UNC13B: variants seen among roughly 807,000 people sequenced by gnomAD.
UNC13B encodes unc-13 homolog B.
Under a neutral mutation model 211.0 loss-of-function variants are expected in UNC13B, and 144 were observed. The ratio of observed to expected loss-of-function variants is 0.68; its 90% confidence interval spans 0.60 to 0.78. The LOEUF is 0.78. Among genes scored for constraint, UNC13B ranks in the 30% least tolerant of loss-of-function variants. UNC13B has a pLI of 0.00. For missense variants in UNC13B, 1,777 were observed against 2,002.0 expected (o/e 0.89, Z 2.14); for synonymous variants, 709 against 725.8 (o/e 0.98, Z 0.37).
chr9:35,236,632 G>C, intron 4 of UNC13B, 46 bp downstream of exon 4: 1 of 1,501,648 alleles, frequency 6.7e-7, no homozygotes, highest in Non-Finnish European at 9.3e-7. Context: ...CCCAGCCCAT[G>C]CTTCTCCCCA....
intron 11 of UNC13B, among the ~76,000 whole-genome samples, chr9:35,339,341 C>T (rs1338284524): frequency 1.3e-5 from 2 of 152,200 alleles, no homozygotes; most frequent in Non-Finnish European, 2.9e-5. Flanking sequence ...TCGGCCTACT[C>T]AGGCTTCCCC....
intron 1 of UNC13B, among the ~76,000 whole-genome samples, chr9:35,199,129 G>A (rs1182819521): frequency 6.6e-6 from 1 of 152,096 alleles, no homozygotes; most frequent in Non-Finnish European, 1.5e-5. Context: ...TGCTCAGAAT[G>A]GTGGTTTCCA....
chr9:35,310,253 T>C (rs1189758419), intron 9 of UNC13B, among the ~76,000 whole-genome samples: 1 of 152,208 alleles, frequency 6.6e-6, no homozygotes, highest in Non-Finnish European at 1.5e-5. Context: ...TTAAGTGTCG[T>C]TGGAGAACCC....
chr9:35,335,768 T>C (rs1233626379), intron 11 of UNC13B, among the ~76,000 whole-genome samples: 1 of 151,744 alleles, frequency 6.6e-6, no homozygotes, highest in Non-Finnish European at 1.5e-5. Context: ...CGGCTCACTG[T>C]AACCTCGAAC....
chr9:35,395,602 ATG>A (rs1222561068), intron 26 of UNC13B, among the ~76,000 whole-genome samples: 1 of 152,152 alleles, frequency 6.6e-6, no homozygotes, highest in Non-Finnish European at 1.5e-5. Context: ...CATTATGTTG[ATG>A]TGTCAGCATA....
At position 35,305,587 on chromosome 9, in the gene UNC13B, T is replaced by C. The variant is rs1162876985; in HGVS notation, c.6183T>C (p.Thr2061=). 2 of 398,762 alleles carry C rather than the reference T, an allele frequency of 5.0e-6. No individual in the cohort carries two copies. Among genetic ancestry groups the C allele is most frequent in the African/African-American group, 4.1e-5 (2 of 48,604 alleles). 24.7% of individuals were successfully genotyped at this position (398,762 alleles called of 1,614,324 possible). The change falls in exon 9 of 40, where the codon ACT becomes ACC. Residue 2061 remains threonine, a synonymous_variant. Transcript: ENST00000635942. ...ATGACAGTAGGTTAGAGGAATCAAC[T>C]AGAGGGATCCAGGGTAATGATTTGA... The part of the protein sequence containing the change: ...TIDDSRLEES[T]RGIQGNDLTE...
chr9:35,178,356 G>C (rs1821749688), intron 1 of UNC13B, among the ~76,000 whole-genome samples: 1 of 151,988 alleles, frequency 6.6e-6, no homozygotes, highest in South Asian at 2.1e-4. Flanking sequence ...CAAAAATTAG[G>C]CATGGTGGCA....
chr9:35,343,513 C>G (rs1283225867), intron 11 of UNC13B, among the ~76,000 whole-genome samples: 1 of 152,144 alleles, frequency 6.6e-6, no homozygotes, highest in Non-Finnish European at 1.5e-5. Flanking sequence ...GGGAGAAAAG[C>G]TCTCATCTTC....
intron 17 of UNC13B, among the ~76,000 whole-genome samples, chr9:35,380,197 A>G (rs1434900293): frequency 6.6e-6 from 1 of 152,144 alleles, no homozygotes; most frequent in East Asian, 1.9e-4. Context: ...GGAAGTCAGA[A>G]TTGACCTGAA....
intron 2 of UNC13B, among the ~76,000 whole-genome samples, chr9:35,230,200 G>C (rs1394203108): frequency 1.3e-5 from 2 of 152,070 alleles, no homozygotes; most frequent in Non-Finnish European, 2.9e-5. Context: ...GGCTGGGCCT[G>C]GTGGCTCATG....
intron 6 of UNC13B, among the ~76,000 whole-genome samples, chr9:35,258,406 T>A (rs1827061955): frequency 6.6e-6 from 1 of 152,192 alleles, no homozygotes; most frequent in Non-Finnish European, 1.5e-5. Flanking sequence ...GTCTTATGTC[T>A]TCAGTACCGT....
rs1196382768 is a variant in UNC13B at position 35,300,282 on chromosome 9, A to T, written c.878A>T (p.Tyr293Phe). ...YGERSETKTN[Y>F]KSTYSNTENC... Reference sequence around the variant, plus strand: ...GAGAGATCTGAAACTAAGACTAACTACAAAAGTACATATTCTAATACTGAA... The same window carrying T: ...GAGAGATCTGAAACTAAGACTAACTTCAAAAGTACATATTCTAATACTGAA... Residue 293 changes from tyrosine (Y) to phenylalanine (F), a missense_variant, in exon 9 of 40, where the codon TAC becomes TTC. Physicochemically the swap from Tyr to Phe is conservative, Grantham distance 22. Transcript: ENST00000635942. 7.5e-6 allele frequency: 3 copies of T among 398,814 alleles called. No individual in the cohort carries two copies. Among genetic ancestry groups the T allele is most frequent in the Non-Finnish European group, 1.3e-5 (3 of 226,044 alleles). The allele number at this position is 398,814 out of a possible 1,614,324, so 24.7% of individuals were successfully genotyped here. A position where few individuals can be genotyped will look rare whatever the true frequency, so the allele number is the denominator to read the frequency against.
chr9:35,177,128 T>A lies in UNC13B; in HGVS notation c.22+14823T>A, dbSNP rs988378365. On this transcript the variant is annotated intron_variant, in intron 1 of 39. Coordinates refer to ENST00000635942, the MANE Select transcript of UNC13B (RefSeq NM_001371189.2). ...AACCCCATCTCTATTTAAAAAAAAT[T>A]AAAAAAAAATTAGTCGGGCGTGGTG... is the stretch of plus-strand genomic sequence containing the variant. 4.6e-5 allele frequency among the ~76,000 whole-genome samples: 7 copies of A among 151,006 alleles called. No homozygotes were observed. The East Asian group carries it at 1.4e-3, about 29-fold the overall frequency.
In UNC13B at chr9:35,310,575, G is replaced by A. The variant is rs940729547; in HGVS notation, c.9117G>A (p.Thr3039=). 7 of 1,613,980 alleles carry A rather than the reference G, an allele frequency of 4.3e-6. No individual in the cohort carries two copies. The highest frequency in any genetic ancestry group is 2.2e-5 in the East Asian group (1 of 44,872). Reference sequence around the variant, plus strand: ...AACAAGATGACGACCATCGGGAGACGGACTCGATTCATTCTTGCCACAGCT... The same window carrying A: ...AACAAGATGACGACCATCGGGAGACAGACTCGATTCATTCTTGCCACAGCT... ...YHEQDDDHRE[T]DSIHSCHSSH... Residue 3039 remains threonine (T), a synonymous_variant, in exon 10 of 40, where the codon ACG becomes ACA. Transcript: ENST00000635942.
chr9:35,191,546 C>T (rs528259636), intron 1 of UNC13B, among the ~76,000 whole-genome samples: 141 of 152,266 alleles, frequency 9.3e-4, no homozygotes, highest in African/African-American at 3.2e-3. Flanking sequence ...TTAGGAGTCA[C>T]GCAGCTGGAG....
At chr9:35,184,263 C>T (rs926243065) in intron 1 of UNC13B, among the ~76,000 whole-genome samples, 23 of 151,436 alleles carry the variant, frequency 1.5e-4, no homozygotes, top group African/African-American at 4.6e-4. Flanking sequence ...ACATCCCAGA[C>T]GATGGGCGGC....
At chr9:35,283,427 A>G (rs1828619742) in intron 7 of UNC13B, among the ~76,000 whole-genome samples, 1 of 152,148 alleles carries the variant, frequency 6.6e-6, no homozygotes, top group Non-Finnish European at 1.5e-5. Flanking sequence ...ACCTATTTAT[A>G]TTTCTGCTGC....
intron 1 of UNC13B, among the ~76,000 whole-genome samples, chr9:35,185,727 C>G (rs1475786164): frequency 6.6e-6 from 1 of 151,210 alleles, no homozygotes; most frequent in Admixed American, 6.6e-5. Context: ...CGAGACCAGT[C>G]TGGCCTAACA....
At chr9:35,394,200 G>C (rs940028114) in intron 26 of UNC13B, among the ~76,000 whole-genome samples, 4 of 152,210 alleles carry the variant, frequency 2.6e-5, no homozygotes, top group South Asian at 4.1e-4. Context: ...TTGAACAAGA[G>C]GGTAAGATTA....
Sources: allele counts gnomAD v4.1 joint callset (sites outside exome capture counted in the v4.1 genomes callset), GRCh38; gene constraint gnomAD v4.1.1; transcripts MANE v1.5; gene names NCBI Gene and HGNC (gene_info 2026-07-23, HGNC 2026-07-21).